CTNNA3: variants seen among roughly 807,000 people sequenced by gnomAD.
The protein encoded by CTNNA3 is catenin alpha 3.
A neutral mutation model predicts 95.7 loss-of-function variants in CTNNA3; 76 were observed. That is an observed-to-expected ratio of 0.79 (90% CI 0.66 to 0.96). CTNNA3 has a LOEUF of 0.96. Among genes scored for constraint, CTNNA3 ranks in the 40% least tolerant of loss-of-function variants. The probability of loss-of-function intolerance (pLI) is 0.00; values close to 1 mark genes in which losing one functional copy is unlikely to be tolerated. For missense variants in CTNNA3, 1,191 were observed against 1,089.8 expected (o/e 1.09, Z -1.31); for synonymous variants, 431 against 374.4 (o/e 1.15, Z -1.74).
At chr10:67,691,734 G>A (rs568446583) in intron 1 of CTNNA3, among the ~76,000 whole-genome samples, 17 of 151,364 alleles carry the variant, frequency 1.1e-4, no homozygotes, top group African/African-American at 2.7e-4. Context: ...GTCTCCGCCC[G>A]GCAGCCACCT....
chr10:67,511,523 C>G (rs965111297), intron 5 of CTNNA3, among the ~76,000 whole-genome samples: 1 of 152,184 alleles, frequency 6.6e-6, no homozygotes, highest in African/African-American at 2.4e-5. Context: ...GTTGAACCAG[C>G]CTTGCATCCC....
chr10:66,199,157 C>T (rs2087150288), intron 13 of CTNNA3, among the ~76,000 whole-genome samples: 1 of 152,100 alleles, frequency 6.6e-6, no homozygotes, highest in South Asian at 2.1e-4. Flanking sequence ...CTTGGCTTAC[C>T]TTCTCGGAGG....
intron 5 of CTNNA3, among the ~76,000 whole-genome samples, chr10:67,223,940 C>T (rs973856232): frequency 6.6e-6 from 1 of 152,080 alleles, no homozygotes; most frequent in African/African-American, 2.4e-5. Context: ...ATCTTTTTTC[C>T]AGCTTTATTG....
chr10:66,431,449 A>T (rs1164864568), intron 11 of CTNNA3, among the ~76,000 whole-genome samples: 1 of 152,126 alleles, frequency 6.6e-6, no homozygotes, highest in Admixed American at 6.6e-5. Flanking sequence ...ATGCACATGT[A>T]TGTTTATTGT....
At chr10:66,579,346 G>C (rs573483036) in intron 10 of CTNNA3, among the ~76,000 whole-genome samples, 1 of 151,950 alleles carries the variant, frequency 6.6e-6, no homozygotes, top group Non-Finnish European at 1.5e-5. Flanking sequence ...AGAATCAGTA[G>C]TATTTGCTTG....
intron 11 of CTNNA3, among the ~76,000 whole-genome samples, chr10:66,418,930 GA>G (rs1156923673): frequency 6.6e-6 from 1 of 152,038 alleles, no homozygotes; most frequent in Non-Finnish European, 1.5e-5. Context: ...ACTGAATGGG[GA>G]AAAGTTTGGA....
chr10:66,426,200 A>G (rs1297147874), intron 11 of CTNNA3, among the ~76,000 whole-genome samples: 1 of 152,000 alleles, frequency 6.6e-6, no homozygotes, highest in Non-Finnish European at 1.5e-5. Context: ...ACTTTTGGCT[A>G]GTACTTGTCT....
At chr10:66,831,457 C>A (rs1044240360) in intron 7 of CTNNA3, among the ~76,000 whole-genome samples, 1 of 152,170 alleles carries the variant, frequency 6.6e-6, no homozygotes, top group Non-Finnish European at 1.5e-5. Context: ...GCTTTCACTC[C>A]ACTAACTTTT....
intron 7 of CTNNA3, among the ~76,000 whole-genome samples, chr10:67,018,091 T>A (rs567376342): frequency 6.6e-6 from 1 of 152,178 alleles, no homozygotes; most frequent in Non-Finnish European, 1.5e-5. Flanking sequence ...ATATTAAACA[T>A]ATATTTTAAC....
intron 13 of CTNNA3, among the ~76,000 whole-genome samples, chr10:66,188,528 A>G (rs1337823395): frequency 9.6e-6 from 1 of 103,794 alleles, no homozygotes; most frequent in Non-Finnish European, 1.9e-5. Flanking sequence ...GCTCTAGGTG[A>G]TTTTCTTATT....
chr10:67,450,304 C>T (rs1195781680), intron 5 of CTNNA3, among the ~76,000 whole-genome samples: 1 of 152,094 alleles, frequency 6.6e-6, no homozygotes, highest in Non-Finnish European at 1.5e-5. Context: ...GGATATATGC[C>T]CAGATTAATA....
intron 9 of CTNNA3, among the ~76,000 whole-genome samples, chr10:66,681,502 T>C (rs1847066336): frequency 6.6e-6 from 1 of 152,206 alleles, no homozygotes; most frequent in Non-Finnish European, 1.5e-5. Context: ...AATGAATTTA[T>C]CCAGCAAACC....
intron 5 of CTNNA3, among the ~76,000 whole-genome samples, chr10:67,464,785 T>C (rs1209312546): frequency 6.6e-6 from 1 of 152,068 alleles, no homozygotes; most frequent in Non-Finnish European, 1.5e-5. Context: ...ATGTATAAAA[T>C]TCTGGACTTT....
At chr10:66,583,409 C>T (rs1460365546) in intron 10 of CTNNA3, among the ~76,000 whole-genome samples, 1 of 151,486 alleles carries the variant, frequency 6.6e-6, no homozygotes, top group African/African-American at 2.4e-5. Context: ...TTCAAGCTAG[C>T]GGGGGTTGTA....
chr10:66,758,975 G>A (rs992858609), intron 9 of CTNNA3, among the ~76,000 whole-genome samples: 2 of 152,048 alleles, frequency 1.3e-5, no homozygotes, highest in Non-Finnish European at 2.9e-5. Flanking sequence ...AGAACTTTGG[G>A]TACATAATTT....
At chr10:67,352,553 T>G (rs1842673660) in intron 5 of CTNNA3, among the ~76,000 whole-genome samples, 1 of 151,932 alleles carries the variant, frequency 6.6e-6, no homozygotes, top group Non-Finnish European at 1.5e-5. Context: ...TCATGCCTCA[T>G]GCTAATTCAC....
chr10:67,610,832 C>T (rs1843432332), intron 2 of CTNNA3, among the ~76,000 whole-genome samples: 1 of 152,128 alleles, frequency 6.6e-6, no homozygotes, highest in Non-Finnish European at 1.5e-5. Context: ...CTAACTTTAC[C>T]TTTTGCCATA....
At chr10:66,155,975 C>T (rs753567501) in intron 13 of CTNNA3, among the ~76,000 whole-genome samples, 19 of 151,792 alleles carry the variant, frequency 1.3e-4, no homozygotes, top group Non-Finnish European at 2.4e-4. Flanking sequence ...TGAAAAGACA[C>T]TTTATCAAAG....
rs555685799 is a variant in CTNNA3 at position 66,556,705 on chromosome 10, G to C, written c.1375-35932C>G. 7.9e-5 allele frequency among the ~76,000 whole-genome samples: 12 copies of C among 152,162 alleles called. 1 individual carries two copies. The South Asian group carries it at 2.5e-3, about 32-fold the overall frequency. On this transcript the variant is annotated intron_variant, in intron 10 of 17. Coordinates refer to ENST00000433211, the MANE Select transcript of CTNNA3 (RefSeq NM_013266.4). ...ATAGAAGCCAAAGAGTAGAAAGCTGGTTATCAGGGGCAGAAAGGTGGGGGA... is the reference window on the plus strand; with the variant it reads ...ATAGAAGCCAAAGAGTAGAAAGCTGCTTATCAGGGGCAGAAAGGTGGGGGA...
Sources: gnomAD v4.1 joint callset for allele counts (sites outside exome capture counted in the v4.1 genomes callset) on GRCh38, gnomAD v4.1.1 for gene constraint, MANE v1.5 for transcripts, NCBI Gene and HGNC (gene_info 2026-07-23, HGNC 2026-07-21) for gene names.